The following HECW2 variants were observed in gnomAD, a reference collection of about 807,000 sequenced individuals.
HECW2 encodes HECT, C2 and WW domain containing E3 ubiquitin protein ligase 2.
In HECW2, 61 loss-of-function variants were observed where a neutral mutation model predicts 175.2. The ratio of observed to expected loss-of-function variants is 0.35; its 90% CI spans 0.28 to 0.43. The LOEUF (loss-of-function observed/expected upper bound fraction) is 0.43, where lower values mean the gene tolerates loss of function less well. Among genes scored for constraint, HECW2 ranks in the 20% least tolerant of loss-of-function variants. The pLI, the probability that HECW2 is intolerant of heterozygous loss-of-function variation, is 1.00. For synonymous variants in HECW2, 671 were observed against 731.0 expected, an observed-to-expected ratio of 0.92 and a Z score of 1.32; for missense variants, 1,524 against 2,000.5, an observed-to-expected ratio of 0.76 and a Z score of 4.54.
chr2:196,456,883 G>A (rs1485733515), intron 1 of HECW2, among the ~76,000 whole-genome samples: 6 of 152,108 alleles, frequency 3.9e-5, no homozygotes, highest in South Asian at 2.1e-4. Context: ...AAGCAACCTC[G>A]GGTTTTCTTC....
At chr2:196,473,299 T>TA (rs1285222075) in intron 1 of HECW2, among the ~76,000 whole-genome samples, 1 of 152,228 alleles carries the variant, frequency 6.6e-6, no homozygotes, top group African/African-American at 2.4e-5. Flanking sequence ...TGTTTTTCCA[T>TA]AAAATCCTTT....
At chr2:196,216,000 G>T in intron 27 of HECW2, 23 bp from the exon 28 acceptor site, 1 of 1,554,358 alleles carries the variant, frequency 6.4e-7, no homozygotes, top group Non-Finnish European at 8.9e-7. Flanking sequence ...GAAAACAGAA[G>T]GAGAAGGTGA....
intron 17 of HECW2, among the ~76,000 whole-genome samples, chr2:196,270,248 G>A (rs1689677406): frequency 6.6e-6 from 1 of 152,206 alleles, no homozygotes; most frequent in African/African-American, 2.4e-5. Flanking sequence ...AGAGTCCACA[G>A]TGGAGTTGAA....
intron 1 of HECW2, among the ~76,000 whole-genome samples, chr2:196,515,914 A>T (rs2125424148): frequency 6.6e-6 from 1 of 151,736 alleles, no homozygotes; most frequent in East Asian, 1.9e-4. Context: ...ACTTGAGGTC[A>T]GGAGTTTGAA....
At chr2:196,224,582 GAC>G (rs34920117) in intron 23 of HECW2, among the ~76,000 whole-genome samples, 382 of 152,262 alleles carry the variant, frequency 2.5e-3, no homozygotes, top group African/African-American at 8.4e-3. Context: ...CTGAAGGAAA[GAC>G]ACAGGAATAA....
At chr2:196,412,647 T>C (rs749956124) in intron 2 of HECW2, among the ~76,000 whole-genome samples, 1 of 152,258 alleles carries the variant, frequency 6.6e-6, no homozygotes, top group Non-Finnish European at 1.5e-5. Context: ...TGAAATTTCA[T>C]GTTCACAGTC....
rs1413916827 is a variant in HECW2, at chr2:196,222,197, G to A, written c.4146+14C>T. The stretch of plus-strand genomic sequence containing the variant: ...GTTACCACACTTAGGCGCCAGGTGT[G>A]CAGATACACACACCTGCCCAAATAC... On this transcript the variant is annotated intron_variant, in intron 24 of 28. Coordinates refer to ENST00000644978, the MANE Select transcript of HECW2 (RefSeq NM_001348768.2). The A allele has an allele frequency of 5.0e-6, 8 of 1,610,972 alleles. No homozygotes were observed. Among genetic ancestry groups the A allele is most frequent in the South Asian group, 1.1e-5 (1 of 90,786 alleles).
chr2:196,338,712 A>C (rs754610931), intron 3 of HECW2, among the ~76,000 whole-genome samples: 33 of 152,372 alleles, frequency 2.2e-4, no homozygotes, highest in Non-Finnish European at 4.3e-4. Context: ...TGAAGCATAA[A>C]GATGGATGGA....
At chr2:196,249,856 A>C (rs2105904507) in intron 19 of HECW2, among the ~76,000 whole-genome samples, 1 of 152,376 alleles carries the variant, frequency 6.6e-6, no homozygotes, top group African/African-American at 2.4e-5. Context: ...TGAAAATTAA[A>C]ACCACCACAA....
intron 10 of HECW2, among the ~76,000 whole-genome samples, chr2:196,314,376 A>C (rs923140886): frequency 1.3e-5 from 2 of 152,222 alleles, no homozygotes; most frequent in Non-Finnish European, 2.9e-5. Context: ...AATAAATAAC[A>C]TATCACCGTG....
chr2:196,428,364 A>G (rs1695609152), intron 2 of HECW2, among the ~76,000 whole-genome samples: 1 of 152,180 alleles, frequency 6.6e-6, no homozygotes, highest in Non-Finnish European at 1.5e-5. Flanking sequence ...CAGCACATCT[A>G]TTTCACAGAG....
chr2:196,539,567 G>A (rs922324818), intron 1 of HECW2, among the ~76,000 whole-genome samples: 81 of 152,042 alleles, frequency 5.3e-4, no homozygotes, highest in African/African-American at 1.9e-3. Context: ...CCTGGGAGGC[G>A]GAGCTTGCAG....
intron 15 of HECW2, among the ~76,000 whole-genome samples, chr2:196,276,802 T>G (rs1689974550): frequency 6.6e-6 from 1 of 152,226 alleles, no homozygotes; most frequent in African/African-American, 2.4e-5. Flanking sequence ...CCCTTCTATA[T>G]CTGCACTTAC....
chr2:196,378,446 A>C (rs1489715568), intron 2 of HECW2, among the ~76,000 whole-genome samples: 1 of 152,198 alleles, frequency 6.6e-6, no homozygotes. Flanking sequence ...CCATTGGCCC[A>C]ATTAGAATAT....
At chr2:196,576,436 C>T (rs977117258) in intron 1 of HECW2, among the ~76,000 whole-genome samples, 2 of 152,130 alleles carry the variant, frequency 1.3e-5, no homozygotes, top group Admixed American at 1.3e-4. Context: ...ACCTGGAAGA[C>T]ATTATGCTAA....
intron 2 of HECW2, among the ~76,000 whole-genome samples, chr2:196,393,834 C>T (rs1395970776): frequency 6.6e-6 from 1 of 152,192 alleles, no homozygotes; most frequent in African/African-American, 2.4e-5. Context: ...AATCATGCTG[C>T]TATAAAGACA....
chr2:196,432,237 T>TA (rs558474252), intron 2 of HECW2, among the ~76,000 whole-genome samples: 34 of 147,688 alleles, frequency 2.3e-4, no homozygotes, highest in African/African-American at 2.5e-4. Flanking sequence ...ATTTATTCGT[T>TA]AAAAAAAAAA....
intron 2 of HECW2, among the ~76,000 whole-genome samples, chr2:196,365,965 T>C (rs1693732266): frequency 6.6e-6 from 1 of 152,184 alleles, no homozygotes; most frequent in Admixed American, 6.5e-5. Flanking sequence ...CTGTATAACA[T>C]CAAAGCTTAC....
Position 196,197,244 on chromosome 2 carries a change from T to C in HECW2, c.*4033A>G, listed in dbSNP as rs937023698. On this transcript the variant is annotated 3_prime_UTR_variant, in exon 29 of 29. Coordinates refer to ENST00000644978, the MANE Select transcript of HECW2 (RefSeq NM_001348768.2). ...ACGGAGTTTCCTGAATAAGGTTAAATTGAACAGACTCCTATCTTCATTATA... is the reference window on the plus strand; with the variant it reads ...ACGGAGTTTCCTGAATAAGGTTAAACTGAACAGACTCCTATCTTCATTATA... The C allele has an allele frequency of 1.4e-4, 21 of 151,776 alleles. No individual in the cohort carries two copies. The highest frequency in any genetic ancestry group is 5.1e-4 in the African/African-American group (21 of 41,266). 9.4% of individuals were successfully genotyped at this position (151,776 alleles called of 1,614,324 possible).
Sources: allele counts gnomAD v4.1 joint callset (sites outside exome capture counted in the v4.1 genomes callset), GRCh38; gene constraint gnomAD v4.1.1; transcripts MANE v1.5; gene names NCBI Gene and HGNC (gene_info 2026-07-23, HGNC 2026-07-21).